The following PRKCQ variants were observed in gnomAD, a reference collection of about 807,000 sequenced individuals.
PRKCQ encodes protein kinase C theta.
A neutral mutation model predicts 91.2 loss-of-function variants in PRKCQ; 41 were observed. That is an observed-to-expected ratio of 0.45 (90% CI 0.35 to 0.58). PRKCQ has a LOEUF of 0.58. Ranked by LOEUF, PRKCQ falls within the 20% of genes least tolerant of loss-of-function variation. The probability of loss-of-function intolerance (pLI) is 0.00; values close to 1 mark genes in which losing one functional copy is unlikely to be tolerated. For synonymous variants in PRKCQ, 307 were observed against 316.9 expected, an observed-to-expected ratio of 0.97 and a Z score of 0.33; for missense variants, 673 against 896.5, an observed-to-expected ratio of 0.75 and a Z score of 3.18.
chr10:6,444,592 T>A (rs1177198870), intron 15 of PRKCQ, among the ~76,000 whole-genome samples: 2 of 152,040 alleles, frequency 1.3e-5, no homozygotes, highest in Non-Finnish European at 2.9e-5. Flanking sequence ...AATAATAGGA[T>A]TGAGGCACTA....
At chr10:6,435,445 T>G (rs1047223032) in intron 16 of PRKCQ, among the ~76,000 whole-genome samples, 1 of 152,178 alleles carries the variant, frequency 6.6e-6, no homozygotes, top group African/African-American at 2.4e-5. Flanking sequence ...AAAGGAGGAA[T>G]AGAGATAAAG....
At chr10:6,573,311 G>A (rs1312160811) in intron 1 of PRKCQ, among the ~76,000 whole-genome samples, 2 of 152,226 alleles carry the variant, frequency 1.3e-5, no homozygotes, top group Non-Finnish European at 2.9e-5. Context: ...GAACACAGCT[G>A]AGATGAACTT....
rs2303913 is a variant in PRKCQ, at chr10:6,511,258, A to G, written c.119-64T>C. Reference sequence around the variant, plus strand: ...CAGGCCTGGAAAATAATTCAGTTCAACTCAACAGTAGCACCTGCTCCCTCT... The same window carrying G: ...CAGGCCTGGAAAATAATTCAGTTCAGCTCAACAGTAGCACCTGCTCCCTCT... On this transcript the variant is annotated intron_variant, in intron 2 of 17. Transcript: ENST00000263125. The G allele has an allele frequency of 5.1e-4, 751 of 1,465,500 alleles. 10 individuals carry two copies. In the East Asian group the frequency reaches 0.015, roughly 29 times the overall value. The allele number at this position is 1,465,500 out of a possible 1,614,324, so 90.8% of individuals were successfully genotyped here. A position where few individuals can be genotyped will look rare whatever the true frequency, so the allele number is the denominator to read the frequency against.
intron 1 of PRKCQ, among the ~76,000 whole-genome samples, chr10:6,523,033 T>TA (rs142574287): frequency 0.11 from 16,942 of 150,472 alleles, 1,150 homozygotes; most frequent in Middle Eastern, 0.23. Flanking sequence ...TGATAACTAG[T>TA]AAAAAAAAAA....
At chr10:6,522,682 A>G (rs1233256602) in intron 1 of PRKCQ, among the ~76,000 whole-genome samples, 1 of 152,260 alleles carries the variant, frequency 6.6e-6, no homozygotes, top group Non-Finnish European at 1.5e-5. Context: ...CAGCATTTGT[A>G]TTACTATAAT....
intron 13 of PRKCQ, among the ~76,000 whole-genome samples, chr10:6,462,866 A>C (rs970324088): frequency 1.3e-5 from 2 of 152,108 alleles, no homozygotes; most frequent in Non-Finnish European, 2.9e-5. Flanking sequence ...TTAGCAGGGC[A>C]TGGTGTTGGG....
intron 15 of PRKCQ, among the ~76,000 whole-genome samples, chr10:6,448,098 G>A (rs1043209933): frequency 6.6e-6 from 1 of 152,214 alleles, no homozygotes; most frequent in African/African-American, 2.4e-5. Flanking sequence ...ACGCCCAGAG[G>A]TGGGGAATTC....
In PRKCQ at chr10:6,576,148, C is replaced by T. The variant is rs1841227997; in HGVS notation, c.-10+4063G>A. 6.6e-6 allele frequency among the ~76,000 whole-genome samples: 1 copy of T among 152,164 alleles called. No homozygotes were observed. The highest frequency in any genetic ancestry group is 1.5e-5 in the Non-Finnish European group (1 of 68,020). The stretch of plus-strand genomic sequence containing the variant: ...CCAGCCACTGTGGAAAACAATATGG[C>T]AGTTCCTCAAAAAATTAAACATAGA... On this transcript the variant is annotated intron_variant, in intron 1 of 17. Coordinates refer to ENST00000263125, the MANE Select transcript of PRKCQ (RefSeq NM_006257.5). The surrounding 1 kb of genome is among the most constrained non-coding windows in gnomAD (Gnocchi z 4.2).
At chr10:6,463,099 A>C (rs922147353) in intron 13 of PRKCQ, among the ~76,000 whole-genome samples, 5 of 152,204 alleles carry the variant, frequency 3.3e-5, no homozygotes, top group South Asian at 2.1e-4. Flanking sequence ...TGTATGCACC[A>C]TTCTGAATAG....
downstream of PRKCQ, among the ~76,000 whole-genome samples, chr10:6,423,423 G>A (rs1321108151): frequency 6.6e-6 from 1 of 152,200 alleles, no homozygotes; most frequent in African/African-American, 2.4e-5. Context: ...CCAGGAGACT[G>A]AGCAGACGGC....
At chr10:6,554,913 T>G (rs1170605559) in intron 1 of PRKCQ, among the ~76,000 whole-genome samples, 2 of 151,932 alleles carry the variant, frequency 1.3e-5, no homozygotes, top group Non-Finnish European at 2.9e-5. Context: ...ATAAGGAAAA[T>G]GTAGTACATA....
chr10:6,463,554 T>G (rs1431114965), intron 13 of PRKCQ, among the ~76,000 whole-genome samples: 1 of 152,134 alleles, frequency 6.6e-6, no homozygotes, highest in African/African-American at 2.4e-5. Context: ...AAACAGCCAT[T>G]CCAGCCAGGG....
intron 11 of PRKCQ, among the ~76,000 whole-genome samples, chr10:6,480,071 G>A (rs1277299782): frequency 6.6e-6 from 1 of 152,178 alleles, no homozygotes; most frequent in Non-Finnish European, 1.5e-5. Context: ...TGGGTTCAAA[G>A]GATAACTTGC....
At chr10:6,418,558 C>A in the PRKCQ span, among the ~76,000 whole-genome samples, 1 of 152,160 alleles carries the variant, frequency 6.6e-6, no homozygotes, top group Non-Finnish European at 1.5e-5. Context: ...CTCACCCGAC[C>A]CCTGGCATTC....
At chr10:6,472,168 CATG>C (rs1320359651) in intron 12 of PRKCQ, among the ~76,000 whole-genome samples, 3 of 152,084 alleles carry the variant, frequency 2.0e-5, no homozygotes, top group Non-Finnish European at 4.4e-5. Flanking sequence ...ATTAGCCAGG[CATG>C]GTGGTGGGCG....
chr10:6,463,559 C>T (rs1302706414), intron 13 of PRKCQ, among the ~76,000 whole-genome samples: 1 of 152,142 alleles, frequency 6.6e-6, no homozygotes, highest in African/African-American at 2.4e-5. Flanking sequence ...GCCATTCCAG[C>T]CAGGGATTTT....
intron 1 of PRKCQ, among the ~76,000 whole-genome samples, chr10:6,527,702 C>T (rs1250125974): frequency 5.3e-5 from 8 of 152,138 alleles, no homozygotes; most frequent in African/African-American, 9.7e-5. Context: ...CAGCATTCTA[C>T]GTAAGCCAGG....
At chr10:6,399,768 A>G in the PRKCQ span, among the ~76,000 whole-genome samples, 1 of 148,046 alleles carries the variant, frequency 6.8e-6, no homozygotes. Context: ...TGGCTGGCGG[A>G]TTCCACAAAC....
intron 12 of PRKCQ, among the ~76,000 whole-genome samples, chr10:6,468,354 A>G (rs924340195): frequency 6.6e-6 from 1 of 152,252 alleles, no homozygotes; most frequent in African/African-American, 2.4e-5. Flanking sequence ...ATGAGAATAA[A>G]GAGAATGGAA....
Sources: allele counts gnomAD v4.1 joint callset (sites outside exome capture counted in the v4.1 genomes callset), GRCh38; gene constraint gnomAD v4.1.1; non-coding constraint Gnocchi (gnomAD v3.1); transcripts MANE v1.5; gene names NCBI Gene and HGNC (gene_info 2026-07-23, HGNC 2026-07-21).